ARL14EPL: variants seen among roughly 807,000 people sequenced by gnomAD.
ARL14EPL encodes ARL14 effector protein-like.
In ARL14EPL, 17 loss-of-function variants were observed where a neutral mutation model predicts 15.9. The ratio of observed to expected loss-of-function variants is 1.07; its 90% CI spans 0.73 to 1.60. The LOEUF (loss-of-function observed/expected upper bound fraction) is 1.60. Ranked by LOEUF, ARL14EPL falls within the 40% of genes most tolerant of loss-of-function variation. ARL14EPL has a pLI of 0.00. For synonymous variants in ARL14EPL, 78 were observed against 63.8 expected (o/e 1.22, Z -1.06); for missense variants, 214 against 185.9 (o/e 1.15, Z -0.88).
At chr5:116,041,676 C>T (rs978062598) in intron 1 of ARL14EPL, among the ~76,000 whole-genome samples, 1 of 152,144 alleles carries the variant, frequency 6.6e-6, no homozygotes, top group Admixed American at 6.5e-5. Flanking sequence ...CCCACTAGAG[C>T]CCTCTGAAAT....
intron 1 of ARL14EPL, among the ~76,000 whole-genome samples, chr5:116,039,684 G>GA (rs759087848): frequency 3.7e-3 from 546 of 149,358 alleles, no homozygotes; most frequent in African/African-American, 0.011. Context: ...ATATGACATA[G>GA]AAAAAAAAAC....
Position 116,058,951 on chromosome 5 carries a change from C to G in ARL14EPL, c.*4C>G. On this transcript the variant is annotated 3_prime_UTR_variant, in exon 4 of 4. Coordinates refer to ENST00000686077, the MANE Select transcript of ARL14EPL (RefSeq NM_001195581.2). ...GCCGTTTAATGTTCCTGACTAGGTGCTCTTGTATATGGACTGATTTGTTTC... is the reference window on the plus strand; with the variant it reads ...GCCGTTTAATGTTCCTGACTAGGTGGTCTTGTATATGGACTGATTTGTTTC... The G allele has an allele frequency of 6.5e-7, 1 of 1,535,372 alleles. No homozygotes were observed. Among genetic ancestry groups the G allele is most frequent in the Non-Finnish European group, 8.7e-7 (1 of 1,146,318 alleles).
intron 1 of ARL14EPL, among the ~76,000 whole-genome samples, chr5:116,033,057 C>T (rs1748987600): frequency 6.6e-6 from 1 of 152,082 alleles, no homozygotes; most frequent in Non-Finnish European, 1.5e-5. Context: ...CCTCAGCCTG[C>T]CAAAGTGCTG....
In ARL14EPL at chr5:116,058,738, T is replaced by C; in HGVS notation, c.250T>C (p.Tyr84His). The change falls in exon 4 of 4, where the codon TAT (tyrosine) becomes CAT (histidine). Residue 84 changes from tyrosine (Y) to histidine (H), a missense_variant. Tyr to His is a moderately conservative substitution (Grantham distance 83, BLOSUM62 2). Coordinates refer to ENST00000686077, the MANE Select transcript of ARL14EPL (RefSeq NM_001195581.2). ...FSTKYKIMRK[Y>H]DKSGRLICND... ...TTTCCTTTGTAGAATAATGAGGAAG[T>C]ATGACAAAAGTGGCAGGCTCATCTG... 6.5e-7 allele frequency: 1 copy of C among 1,535,050 alleles called. No individual in the cohort carries two copies. Among genetic ancestry groups the C allele is most frequent in the Non-Finnish European group, 8.7e-7 (1 of 1,146,864 alleles).
intron 1 of ARL14EPL, among the ~76,000 whole-genome samples, chr5:116,033,912 A>G (rs1356118487): frequency 6.6e-6 from 1 of 152,154 alleles, no homozygotes; most frequent in Non-Finnish European, 1.5e-5. Context: ...AATTATTTTG[A>G]TTGCCATGGA....
At position 116,038,767 on chromosome 5, in the gene ARL14EPL, A is replaced by G. The variant is rs558156934; in HGVS notation, c.-10+6262A>G. 5.3e-5 allele frequency among the ~76,000 whole-genome samples: 8 copies of G among 152,010 alleles called. No homozygotes were observed. The South Asian group carries it at 1.7e-3, about 32-fold the overall frequency. ...CACTGAGGAAATAGAGCACATTCTG[A>G]AAAGCACGTTCTATGACTAACTACT... On this transcript the variant is annotated intron_variant, in intron 1 of 3. Transcript: ENST00000686077.
At chr5:116,050,281 T>C (rs1749344809) in intron 1 of ARL14EPL, among the ~76,000 whole-genome samples, 1 of 152,232 alleles carries the variant, frequency 6.6e-6, no homozygotes, top group Non-Finnish European at 1.5e-5. Context: ...CAGTGTCTAT[T>C]GTTGCCATCT....
At chr5:116,054,895 G>T (rs1749479263) in intron 3 of ARL14EPL, among the ~76,000 whole-genome samples, 1 of 151,172 alleles carries the variant, frequency 6.6e-6, no homozygotes, top group Admixed American at 6.6e-5. Flanking sequence ...AAAGGAAAAT[G>T]ATAAATTTAA....
At chr5:116,054,713 C>T (rs1311478977) in intron 3 of ARL14EPL, among the ~76,000 whole-genome samples, 6 of 152,084 alleles carry the variant, frequency 3.9e-5, no homozygotes, top group Non-Finnish European at 7.4e-5. Context: ...CGCCTGTAGT[C>T]CCAGCTACTT....
At chr5:116,044,587 A>G (rs1172594000) in intron 1 of ARL14EPL, among the ~76,000 whole-genome samples, 2 of 152,110 alleles carry the variant, frequency 1.3e-5, no homozygotes, top group African/African-American at 2.4e-5. Flanking sequence ...TGGTATTAGT[A>G]TTAGTTAAAC....
intron 1 of ARL14EPL, among the ~76,000 whole-genome samples, chr5:116,043,188 AG>A (rs1749196110): frequency 6.7e-6 from 1 of 149,848 alleles, no homozygotes; most frequent in Non-Finnish European, 1.5e-5. Flanking sequence ...TTGGTGCAAA[AG>A]TAATTGCGAT....
intron 1 of ARL14EPL, among the ~76,000 whole-genome samples, chr5:116,033,859 T>C (rs1749001799): frequency 6.6e-6 from 1 of 152,224 alleles, no homozygotes; most frequent in Admixed American, 6.5e-5. Flanking sequence ...GTGGGAATAG[T>C]GTGTATGTGA....
chr5:116,058,527 C>T (rs551583049), intron 3 of ARL14EPL, among the ~76,000 whole-genome samples, 198 bp from the exon 4 acceptor site: 1 of 152,306 alleles, frequency 6.6e-6, no homozygotes, highest in East Asian at 1.9e-4. Context: ...TTTCCCGTGA[C>T]GTCACTGCCG....
rs368434234 is a variant in ARL14EPL, at chr5:116,055,664, A to G, written c.236+1511A>G. Among the ~76,000 whole-genome samples, 4 of 151,602 alleles carry G rather than the reference A, an allele frequency of 2.6e-5. No homozygotes were observed. The East Asian group carries it at 5.8e-4, about 22-fold the overall frequency. On this transcript the variant is annotated intron_variant, in intron 3 of 3. Transcript: ENST00000686077. ...ATATATATATATAATTTTTTTTATT[A>G]TACTTTAAGTTCTAGGGTACATGTG... is the stretch of plus-strand genomic sequence containing the variant.
chr5:116,036,646 A>C (rs1749055072), intron 1 of ARL14EPL, among the ~76,000 whole-genome samples: 1 of 152,220 alleles, frequency 6.6e-6, no homozygotes, highest in South Asian at 2.1e-4. Context: ...TTACAACCTA[A>C]GGATATTTTA....
chr5:116,039,036 T>A (rs1366921663), intron 1 of ARL14EPL, among the ~76,000 whole-genome samples: 4 of 152,034 alleles, frequency 2.6e-5, no homozygotes, highest in African/African-American at 9.7e-5. Context: ...TGCTGTCTGG[T>A]AGCAGGGTGG....
At chr5:116,052,492 G>T (rs552558650) in intron 2 of ARL14EPL, among the ~76,000 whole-genome samples, 2 of 152,324 alleles carry the variant, frequency 1.3e-5, no homozygotes, top group East Asian at 3.9e-4. Context: ...GGGGCCTAGA[G>T]ATGTAGCAAT....
chr5:116,051,883 TC>T, intron 2 of ARL14EPL: 2 of 1,313,788 alleles, frequency 1.5e-6, no homozygotes, highest in Non-Finnish European at 2.1e-6. Flanking sequence ...GTTTTATTTT[TC>T]CAAATGTACA....
chr5:116,033,485 A>G (rs1748995331), intron 1 of ARL14EPL, among the ~76,000 whole-genome samples: 2 of 152,328 alleles, frequency 1.3e-5, no homozygotes, highest in African/African-American at 4.8e-5. Context: ...AACTTACTAT[A>G]GGCTTATGGG....
Sources: allele counts gnomAD v4.1 joint callset (sites outside exome capture counted in the v4.1 genomes callset), GRCh38; gene constraint gnomAD v4.1.1; transcripts MANE v1.5; gene names NCBI Gene and HGNC (gene_info 2026-07-23, HGNC 2026-07-21).